Variants in PARG observed in about 807,000 individuals in gnomAD.
PARG encodes mitochondrial poly(ADP-ribose) glycohydrolase.
PARG carries 35 observed loss-of-function variants against 113.0 expected under a neutral mutation model. The ratio of observed to expected loss-of-function variants is 0.31; its 90% confidence interval spans 0.24 to 0.41. The LOEUF is 0.41. PARG is among the 10% of genes least tolerant of loss of function. PARG has a pLI of 1.00. For missense variants in PARG, 797 were observed against 1,169.4 expected (o/e 0.68, Z 4.64); for synonymous variants, 330 against 409.9 (o/e 0.81, Z 2.36).
At chr10:49,903,478 C>G (rs1220883933) in intron 7 of PARG, among the ~76,000 whole-genome samples, 1 of 151,532 alleles carries the variant, frequency 6.6e-6, no homozygotes, top group Non-Finnish European at 1.5e-5. Flanking sequence ...GAACTCAGTT[C>G]AAGAAACATT....
intron 13 of PARG, among the ~76,000 whole-genome samples, chr10:49,851,999 AAATTT>A (rs1845781696): frequency 6.6e-6 from 1 of 151,604 alleles, no homozygotes; most frequent in Admixed American, 6.6e-5. Context: ...CAATGATGAT[AAATTT>A]AATTTATTTC....
At chr10:49,891,590 C>CATAT (rs1211471476) in intron 7 of PARG, among the ~76,000 whole-genome samples, 71 of 48,618 alleles carry the variant, frequency 1.5e-3, no homozygotes, top group African/African-American at 4.1e-3. Flanking sequence ...TCCTATGGTC[C>CATAT]ATATATATAT....
rs782769771 is a variant in PARG at position 49,922,318 on chromosome 10, A to T, written c.1662+18T>A. 1.3e-5 allele frequency: 20 copies of T among 1,588,818 alleles called. No homozygotes were observed. The Admixed American group carries it at 3.4e-4, about 27-fold the overall frequency. ...ACACAGGGCCCATAAACAGGCAAGC[A>T]TGGTAAAAACAACATACCTTCAAGT... On this transcript the variant is annotated intron_variant, in intron 6 of 17. Coordinates refer to ENST00000616448, the MANE Select transcript of PARG (RefSeq NM_003631.5).
intron 16 of PARG, among the ~76,000 whole-genome samples, chr10:49,825,204 G>A (rs1371473812): frequency 6.6e-6 from 1 of 152,028 alleles, no homozygotes; most frequent in Non-Finnish European, 1.5e-5. Flanking sequence ...CTTGTCCTCT[G>A]GCTACTGTTT....
chr10:49,905,484 G>A (rs1848542444), intron 7 of PARG, among the ~76,000 whole-genome samples: 1 of 152,092 alleles, frequency 6.6e-6, no homozygotes, highest in Admixed American at 6.6e-5. Context: ...TGCAAAGTGT[G>A]CTCCATGGAA....
At chr10:49,937,348 C>A (rs1293932766) in intron 1 of PARG, among the ~76,000 whole-genome samples, 2 of 151,916 alleles carry the variant, frequency 1.3e-5, no homozygotes, top group African/African-American at 2.4e-5. Context: ...TGGTGGCGGG[C>A]GCCTGTAGTC....
At chr10:49,904,700 GAGGTC>G (rs1412793229) in intron 7 of PARG, among the ~76,000 whole-genome samples, 1 of 151,840 alleles carries the variant, frequency 6.6e-6, no homozygotes, top group East Asian at 1.9e-4. Context: ...CGGATCACCT[GAGGTC>G]AGGGATTTGA....
chr10:49,911,701 G>A (rs1156789568), intron 7 of PARG, among the ~76,000 whole-genome samples: 1 of 152,158 alleles, frequency 6.6e-6, no homozygotes, highest in Non-Finnish European at 1.5e-5. Context: ...TCCAGTAGAG[G>A]TGCTCACACA....
intron 7 of PARG, among the ~76,000 whole-genome samples, chr10:49,886,781 C>T (rs1490682361): frequency 6.6e-6 from 1 of 152,116 alleles, no homozygotes; most frequent in Non-Finnish European, 1.5e-5. Flanking sequence ...AGAATAAGAG[C>T]TAAATCCTAA....
At chr10:49,902,167 A>G (rs56810481) in intron 7 of PARG, among the ~76,000 whole-genome samples, 1,812 of 152,320 alleles carry the variant, frequency 0.012, 33 homozygotes, top group African/African-American at 0.04. Flanking sequence ...TTTCAGACAT[A>G]TGTAGATACA....
At chr10:49,922,456 C>T in intron 5 of PARG, 37 bp from the exon 6 acceptor site, 2 of 1,609,814 alleles carry the variant, frequency 1.2e-6, no homozygotes, top group Non-Finnish European at 1.7e-6. Flanking sequence ...GGAAGCTATT[C>T]TAAGTTGTTT....
At position 49,832,667 on chromosome 10, in the gene PARG, A is replaced by G. The variant is rs1844729248; in HGVS notation, c.2647+136T>C. 19 of 559,926 alleles carry G rather than the reference A, an allele frequency of 3.4e-5. No homozygotes were observed. In the South Asian group the frequency reaches 4.8e-4, roughly 14 times the overall value. The allele number at this position is 559,926 out of a possible 1,614,324, so 34.7% of individuals were successfully genotyped here. A position where few individuals can be genotyped will look rare whatever the true frequency, so the allele number is the denominator to read the frequency against. The stretch of plus-strand genomic sequence containing the variant: ...TCCTTCAAACATAATAGGAAAAAAG[A>G]AAATAGTGTTAAATATTCCTTTTCC... On this transcript the variant is annotated intron_variant, in intron 16 of 17. Coordinates refer to ENST00000616448, the MANE Select transcript of PARG (RefSeq NM_003631.5).
chr10:49,834,119 T>C (rs545010991), intron 15 of PARG, among the ~76,000 whole-genome samples: 2 of 152,274 alleles, frequency 1.3e-5, no homozygotes, highest in East Asian at 3.9e-4. Flanking sequence ...CGCTCACAAA[T>C]TACCTGCATA....
Position 49,932,290 on chromosome 10 carries a change from T to A in PARG, c.1272-7A>T. On this transcript the variant is annotated splice_polypyrimidine_tract_variant and splice_region_variant and intron_variant, in intron 3 of 17. Transcript: ENST00000616448. ...GGTTTCCCACTGTTCTTTTCTAAGG[T>A]CAAGACAAATGTATTTAGTCACAAA... The A allele has an allele frequency of 2.0e-6, 3 of 1,508,494 alleles. No individual in the cohort carries two copies. The highest frequency in any genetic ancestry group is 2.8e-6 in the Non-Finnish European group (3 of 1,083,470). 93.4% of individuals were successfully genotyped at this position (1,508,494 alleles called of 1,614,324 possible). A position where few individuals can be genotyped will look rare whatever the true frequency, so the allele number is the denominator to read the frequency against.
chr10:49,924,371 C>T (rs1284472410), intron 4 of PARG, among the ~76,000 whole-genome samples: 1 of 152,124 alleles, frequency 6.6e-6, no homozygotes, highest in Non-Finnish European at 1.5e-5. Context: ...TATAATTTCA[C>T]TTGTAATATG....
At chr10:49,843,410 T>C (rs1845342038) in intron 14 of PARG, 144 bp downstream of exon 14, 4 of 650,192 alleles carry the variant, frequency 6.2e-6, no homozygotes, top group African/African-American at 1.8e-5. Context: ...TCAATGCCAA[T>C]GAACCTGTAA....
chr10:49,910,590 G>GA (rs1422690988), intron 7 of PARG, among the ~76,000 whole-genome samples: 13 of 151,860 alleles, frequency 8.6e-5, no homozygotes, highest in Non-Finnish European at 1.5e-4. Context: ...AGGATGAAAC[G>GA]AAAGGCTTAT....
chr10:49,827,714 C>A (rs1564594272), intron 16 of PARG, among the ~76,000 whole-genome samples: 2 of 152,000 alleles, frequency 1.3e-5, no homozygotes. Flanking sequence ...AATTCCTTCA[C>A]AAAATAAGCA....
At position 49,878,114 on chromosome 10, in the gene PARG, A is replaced by G. The variant is rs1328702640; in HGVS notation, c.1988+1559T>C. On this transcript the variant is annotated intron_variant, in intron 9 of 17. Transcript: ENST00000616448. The stretch of plus-strand genomic sequence containing the variant: ...GGATCATTTCTGTGGTATTCTCCCA[A>G]AAATGCATGACCTCATTCCAATCCT... Among the ~76,000 whole-genome samples the G allele has an allele frequency of 4.6e-5, 7 of 151,686 alleles. No individual in the cohort carries two copies. In the East Asian group the frequency reaches 1.4e-3, roughly 30 times the overall value.
Sources: allele counts gnomAD v4.1 joint callset (sites outside exome capture counted in the v4.1 genomes callset), GRCh38; gene constraint gnomAD v4.1.1; transcripts MANE v1.5; gene names NCBI Gene and HGNC (gene_info 2026-07-23, HGNC 2026-07-21).